Variants in SND1 observed in about 807,000 individuals in gnomAD.
The protein encoded by SND1 is staphylococcal nuclease and tudor domain containing 1.
SND1 carries 38 observed loss-of-function variants against 121.7 expected under a neutral mutation model. The ratio of observed to expected loss-of-function variants is 0.31; its 90% confidence interval spans 0.24 to 0.41. The LOEUF is 0.41. SND1 is among the 10% of genes least tolerant of loss of function. The pLI, the probability that SND1 is intolerant of heterozygous loss-of-function variation, is 1.00. For synonymous variants in SND1, 401 were observed against 447.4 expected (o/e 0.90, Z 1.31); for missense variants, 868 against 1,184.6 (o/e 0.73, Z 3.92).
At chr7:128,037,967 T>G (rs957673575) in intron 16 of SND1, among the ~76,000 whole-genome samples, 4 of 152,344 alleles carry the variant, frequency 2.6e-5, no homozygotes, top group African/African-American at 9.6e-5. Context: ...CAAATTTGGC[T>G]CCACTGTATC....
intron 12 of SND1, among the ~76,000 whole-genome samples, chr7:127,845,712 G>A (rs1275196375): frequency 6.6e-6 from 1 of 152,136 alleles, no homozygotes; most frequent in Non-Finnish European, 1.5e-5. Flanking sequence ...TTAAGTACTG[G>A]TGAAAACAAC....
chr7:128,033,268 C>T (rs938583556), intron 16 of SND1, among the ~76,000 whole-genome samples: 3 of 152,136 alleles, frequency 2.0e-5, no homozygotes, highest in African/African-American at 7.2e-5. Flanking sequence ...TCAGCTTTTT[C>T]CCACCCCCCT....
At chr7:127,708,816 T>C (rs916566823) in intron 9 of SND1, among the ~76,000 whole-genome samples, 1 of 152,210 alleles carries the variant, frequency 6.6e-6, no homozygotes, top group Non-Finnish European at 1.5e-5. Flanking sequence ...GCTAGAAGTT[T>C]TGTTTTTATG....
In SND1 at chr7:127,659,079, G is replaced by A. The variant is rs2116228476; in HGVS notation, c.78+6628G>A. On this transcript the variant is annotated intron_variant, in intron 1 of 23. Coordinates refer to ENST00000354725, the MANE Select transcript of SND1 (RefSeq NM_014390.4). ...TATCAGGGAAAACAAATGCAATGAA[G>A]GAACTCAACTCTTACTGGGCTTATC... Among the ~76,000 whole-genome samples the A allele has an allele frequency of 1.3e-5, 2 of 152,350 alleles. 1 individual carries two copies. The highest frequency in any genetic ancestry group is 4.1e-4 in the South Asian group (2 of 4,834).
intron 12 of SND1, among the ~76,000 whole-genome samples, chr7:127,857,183 C>CTTTTTTTTTTTTTTT (rs71522259): frequency 1.5e-5 from 1 of 67,992 alleles, no homozygotes; most frequent in African/African-American, 5.5e-5. Context: ...AATGTCAACA[C>CTTTTTTTTTTTTTTT]TTTTTTTTTT....
chr7:127,990,821 CAGAT>C (rs1171193280), intron 15 of SND1, 122 bp from the exon 16 acceptor site: 2 of 649,188 alleles, frequency 3.1e-6, no homozygotes, highest in Admixed American at 2.8e-5. Flanking sequence ...GTCTTCGTCT[CAGAT>C]AGAATGGATG....
Position 127,701,199 on chromosome 7 carries a change from A to G in SND1, c.465A>G (p.Gln155=). The G allele has an allele frequency of 6.2e-7, 1 of 1,614,054 alleles. No homozygotes were observed. The highest frequency in any genetic ancestry group is 8.5e-7 in the Non-Finnish European group (1 of 1,179,954). ...ACCGGCTTTCAGAATGTGAAGAACA[A>G]GCAAAGGCAGCCAAGAAAGGGATGT... is the stretch of plus-strand genomic sequence containing the variant. ...EQNRLSECEE[Q]AKAAKKGMWS... is the part of the protein sequence containing the mutation. Residue 155 remains glutamine, a synonymous_variant, in exon 5 of 24, where the codon CAA becomes CAG. Transcript: ENST00000354725.
Position 128,016,144 on chromosome 7 carries a change from C to CTTTTTTT in SND1, c.1779+25088_1779+25089insTTTTTTT, listed in dbSNP as rs767867847. Among the ~76,000 whole-genome samples the CTTTTTTT allele has an allele frequency of 2.4e-5, 3 of 123,002 alleles. 1 individual carries two copies. The highest frequency in any genetic ancestry group is 7.1e-5 in the African/African-American group (2 of 28,096). The allele number at this position is 123,002 out of a possible 152,430, so 80.7% of individuals were successfully genotyped here. ...CTGCTTAAATAGGGAGGAACAACTT[C>CTTTTTTT]CTTTTTTTTTTTTTTTTTTTAAGAG... On this transcript the variant is annotated intron_variant, in intron 16 of 23. Coordinates refer to ENST00000354725, the MANE Select transcript of SND1 (RefSeq NM_014390.4).
chr7:127,874,781 G>C (rs945269828), intron 12 of SND1, among the ~76,000 whole-genome samples: 1 of 152,066 alleles, frequency 6.6e-6, no homozygotes. Flanking sequence ...CAGAAGGCCT[G>C]CAAATTATTG....
intron 2 of SND1, among the ~76,000 whole-genome samples, chr7:127,693,615 C>T (rs1316378499): frequency 6.6e-6 from 1 of 152,204 alleles, no homozygotes; most frequent in African/African-American, 2.4e-5. Context: ...TTAACAGAGG[C>T]TTCCTTTCAG....
At chr7:127,788,570 A>G (rs1298481437) in intron 10 of SND1, among the ~76,000 whole-genome samples, 2 of 152,226 alleles carry the variant, frequency 1.3e-5, no homozygotes, top group Non-Finnish European at 2.9e-5. Flanking sequence ...AGATTCGTGT[A>G]CATTAATCAT....
At chr7:127,896,510 T>C (rs1800123078) in intron 13 of SND1, among the ~76,000 whole-genome samples, 1 of 152,098 alleles carries the variant, frequency 6.6e-6, no homozygotes, top group African/African-American at 2.4e-5. Context: ...TCTAACACAT[T>C]CTTTAGGTGA....
intron 13 of SND1, among the ~76,000 whole-genome samples, chr7:127,889,911 T>G (rs1799979295): frequency 6.6e-6 from 1 of 152,158 alleles, no homozygotes; most frequent in Admixed American, 6.5e-5. Context: ...CACAGTTTCT[T>G]TATCCGTTCA....
intron 16 of SND1, among the ~76,000 whole-genome samples, chr7:128,014,728 T>A (rs1803189204): frequency 6.6e-6 from 1 of 152,198 alleles, no homozygotes. Context: ...GGATCAAGAT[T>A]CAGTTTTGCT....
intron 10 of SND1, among the ~76,000 whole-genome samples, chr7:127,762,341 G>A (rs1033033828): frequency 3.9e-5 from 6 of 152,156 alleles, no homozygotes; most frequent in African/African-American, 1.2e-4. Context: ...TTGGTCTCAG[G>A]TTTGGTTTCT....
chr7:127,686,619 T>A lies in SND1; in HGVS notation c.85T>A (p.Ser29Thr), dbSNP rs1795817071. 2 of 1,613,914 alleles carry A rather than the reference T, an allele frequency of 1.2e-6. No homozygotes were observed. The highest frequency in any genetic ancestry group is 1.7e-6 in the Non-Finnish European group (2 of 1,179,860). Residue 29 changes from serine (S) to threonine (T), a missense_variant, in exon 2 of 24, where the codon TCA (serine) becomes ACA (threonine). Coordinates refer to ENST00000354725, the MANE Select transcript of SND1 (RefSeq NM_014390.4). ...VQRGIIKMVL[S>T]GCAIIVRGQP... The stretch of plus-strand genomic sequence containing the variant: ...CTTTCTTCCCCCTACGTAGGTCCTC[T>A]CAGGGTGCGCCATCATTGTCCGAGG...
intron 10 of SND1, among the ~76,000 whole-genome samples, chr7:127,799,559 G>A (rs1169288943): frequency 6.6e-6 from 1 of 152,102 alleles, no homozygotes; most frequent in East Asian, 1.9e-4. Flanking sequence ...AACACTTAAG[G>A]GAGGTAGTTA....
At chr7:128,031,183 GC>G (rs935295367) in intron 16 of SND1, 10 of 151,950 alleles carry the variant, frequency 6.6e-5, no homozygotes, top group African/African-American at 1.7e-4. Flanking sequence ...GCAGGTGCAT[GC>G]CCCCCCCTCC....
At chr7:127,794,278 A>G (rs1797969441) in intron 10 of SND1, among the ~76,000 whole-genome samples, 1 of 152,212 alleles carries the variant, frequency 6.6e-6, no homozygotes. Flanking sequence ...GGGACGCAGC[A>G]ACTAAACAGA....
Sources: allele counts gnomAD v4.1 joint callset (sites outside exome capture counted in the v4.1 genomes callset), GRCh38; gene constraint gnomAD v4.1.1; transcripts MANE v1.5; gene names NCBI Gene and HGNC (gene_info 2026-07-23, HGNC 2026-07-21).